ARL15: variants seen among roughly 807,000 people sequenced by gnomAD.
The protein encoded by ARL15 is ARF like GTPase 15, also known as ADP-ribosylation factor-like protein 15.
A neutral mutation model predicts 25.2 loss-of-function variants in ARL15; 19 were observed. The ratio of observed to expected loss-of-function variants is 0.75; its 90% CI spans 0.53 to 1.10. ARL15 has a LOEUF of 1.10. Among genes scored for constraint, ARL15 ranks in the 50% least tolerant of loss-of-function variants. The probability of loss-of-function intolerance (pLI) is 0.00; values close to 1 mark genes in which losing one functional copy is unlikely to be tolerated. For synonymous variants in ARL15, 94 were observed against 86.8 expected (o/e 1.08, Z -0.46); for missense variants, 220 against 246.0 (o/e 0.89, Z 0.71).
chr5:54,205,897 A>C (rs2112494247), intron 1 of ARL15, among the ~76,000 whole-genome samples: 1 of 152,160 alleles, frequency 6.6e-6, no homozygotes, highest in East Asian at 1.9e-4. Context: ...ATGGAGAAGA[A>C]AGACATGAAC....
chr5:54,143,012 T>A (rs574317645), intron 3 of ARL15, among the ~76,000 whole-genome samples: 1 of 152,330 alleles, frequency 6.6e-6, no homozygotes, highest in Non-Finnish European at 1.5e-5. Context: ...TTTTACTGGA[T>A]ATTAACCAGA....
At chr5:53,992,732 A>T (rs1748544010) in intron 4 of ARL15, among the ~76,000 whole-genome samples, 1 of 152,248 alleles carries the variant, frequency 6.6e-6, no homozygotes, top group South Asian at 2.1e-4. Flanking sequence ...TCACATATTT[A>T]GGCACAATGG....
intron 1 of ARL15, among the ~76,000 whole-genome samples, chr5:54,214,670 C>A (rs1443040780): frequency 6.6e-6 from 1 of 152,168 alleles, no homozygotes; most frequent in Non-Finnish European, 1.5e-5. Context: ...ATGTTTAACA[C>A]GAAACGTCCT....
chr5:53,910,852 A>C (rs1253810224), intron 4 of ARL15, among the ~76,000 whole-genome samples: 1 of 151,638 alleles, frequency 6.6e-6, no homozygotes, highest in African/African-American at 2.4e-5. Flanking sequence ...TGATTCGACC[A>C]ATTGGAGTAG....
chr5:54,205,134 C>G, intron 1 of ARL15, among the ~76,000 whole-genome samples: 1 of 152,024 alleles, frequency 6.6e-6, no homozygotes, highest in East Asian at 1.9e-4. Context: ...TGGTTGCACA[C>G]TCCTCAAAAA....
intron 4 of ARL15, among the ~76,000 whole-genome samples, chr5:54,093,945 C>T (rs532976004): frequency 4.5e-4 from 68 of 152,254 alleles, no homozygotes; most frequent in African/African-American, 1.5e-3. Context: ...TTAAAATCCA[C>T]ATTCTTAAGT....
At chr5:54,055,123 C>G (rs1456502401) in intron 4 of ARL15, among the ~76,000 whole-genome samples, 1 of 152,236 alleles carries the variant, frequency 6.6e-6, no homozygotes, top group Admixed American at 6.5e-5. Context: ...AAAGAAACAT[C>G]ATACTCATTG....
intron 4 of ARL15, among the ~76,000 whole-genome samples, chr5:53,963,546 G>A (rs1296761621): frequency 2.0e-5 from 3 of 152,108 alleles, no homozygotes; most frequent in Admixed American, 2.0e-4. Context: ...AGTGGCTCAC[G>A]CCTGTAATTC....
At chr5:53,962,143 G>A (rs147698010) in intron 4 of ARL15, among the ~76,000 whole-genome samples, 8 of 152,260 alleles carry the variant, frequency 5.3e-5, no homozygotes, top group East Asian at 1.9e-4. Context: ...TTACAATGTT[G>A]ACAGGTATTA....
chr5:53,936,253 T>G (rs1746345566), intron 4 of ARL15, among the ~76,000 whole-genome samples: 1 of 152,164 alleles, frequency 6.6e-6, no homozygotes, highest in African/African-American at 2.4e-5. Flanking sequence ...ACTTTCACAT[T>G]TCGTACTTTA....
At chr5:54,219,478 T>C (rs1383378183) in intron 1 of ARL15, among the ~76,000 whole-genome samples, 1 of 152,196 alleles carries the variant, frequency 6.6e-6, no homozygotes, top group South Asian at 2.1e-4. Context: ...AAAACTTTCC[T>C]TGTTTTAAAA....
chr5:53,964,638 G>A (rs953017897), intron 4 of ARL15, among the ~76,000 whole-genome samples: 1 of 152,166 alleles, frequency 6.6e-6, no homozygotes, highest in African/African-American at 2.4e-5. Flanking sequence ...GGGATTACAG[G>A]CGTGAGCCAC....
At chr5:53,957,687 G>T (rs1023611692) in intron 4 of ARL15, among the ~76,000 whole-genome samples, 2 of 152,034 alleles carry the variant, frequency 1.3e-5, no homozygotes, top group African/African-American at 2.4e-5. Flanking sequence ...AGCTGGGTAT[G>T]GTGGTATATG....
intron 1 of ARL15, among the ~76,000 whole-genome samples, chr5:54,286,866 C>CTT (rs529169299): frequency 0.011 from 1,329 of 126,190 alleles, 9 homozygotes; most frequent in Middle Eastern, 0.022. Flanking sequence ...ATTTGCAGGG[C>CTT]TTTTTTTTTT....
intron 4 of ARL15, among the ~76,000 whole-genome samples, chr5:54,079,755 C>T (rs565474119): frequency 1.3e-4 from 19 of 151,908 alleles, no homozygotes; most frequent in Admixed American, 2.6e-4. Context: ...AAATCACCAG[C>T]GGTCAGGAGT....
chr5:53,923,258 A>G (rs1745913337), intron 4 of ARL15, among the ~76,000 whole-genome samples: 1 of 152,176 alleles, frequency 6.6e-6, no homozygotes. Context: ...ACCAGAAACA[A>G]AGTCCTTTTG....
chr5:54,194,235 C>A (rs1755490011), intron 1 of ARL15, among the ~76,000 whole-genome samples: 1 of 151,972 alleles, frequency 6.6e-6, no homozygotes, highest in African/African-American at 2.4e-5. Context: ...TACATGACAT[C>A]AATTATTATC....
chr5:53,918,226 C>T (rs1745720687), intron 4 of ARL15, among the ~76,000 whole-genome samples: 1 of 152,170 alleles, frequency 6.6e-6, no homozygotes, highest in African/African-American at 2.4e-5. Context: ...CACTCTGTTG[C>T]CCAGGCTGGA....
At chr5:54,186,788 G>T (rs1755252132) in intron 1 of ARL15, among the ~76,000 whole-genome samples, 1 of 151,434 alleles carries the variant, frequency 6.6e-6, no homozygotes, top group Admixed American at 6.6e-5. Flanking sequence ...ACCATATACA[G>T]ATTCATGAAG....
Sources: allele counts gnomAD v4.1 joint callset (sites outside exome capture counted in the v4.1 genomes callset), GRCh38; gene constraint gnomAD v4.1.1; transcripts MANE v1.5; gene names NCBI Gene and HGNC (gene_info 2026-07-23, HGNC 2026-07-21).